The following SH3RF1 variants were observed in gnomAD, a reference collection of about 807,000 sequenced individuals.
SH3RF1 encodes the protein E3 ubiquitin-protein ligase SH3RF1.
A neutral mutation model predicts 74.0 loss-of-function variants in SH3RF1; 32 were observed. The observed-to-expected ratio is 0.43, with a 90% confidence interval of 0.33 to 0.58. SH3RF1 has a LOEUF of 0.58. Among genes scored for constraint, SH3RF1 ranks in the 20% least tolerant of loss-of-function variants. The pLI is 0.05. For missense variants in SH3RF1, 954 were observed against 1,130.9 expected (o/e 0.84, Z 2.24); for synonymous variants, 396 against 439.6 (o/e 0.90, Z 1.24).
intron 10 of SH3RF1, among the ~76,000 whole-genome samples, chr4:169,109,747 C>A (rs978841443): frequency 6.6e-6 from 1 of 152,112 alleles, no homozygotes; most frequent in African/African-American, 2.4e-5. Context: ...CAGTGGCTCA[C>A]ACCTGTAATT....
At chr4:169,178,194 T>C (rs1481723990) in intron 2 of SH3RF1, among the ~76,000 whole-genome samples, 3 of 151,118 alleles carry the variant, frequency 2.0e-5, no homozygotes, top group African/African-American at 7.3e-5. Context: ...TGAGCCGAGA[T>C]TGCGCCAGCA....
At chr4:169,201,121 T>G (rs1267882646) in intron 2 of SH3RF1, among the ~76,000 whole-genome samples, 1 of 152,192 alleles carries the variant, frequency 6.6e-6, no homozygotes, top group Non-Finnish European at 1.5e-5. Context: ...TATGATAAAA[T>G]TTAAAATATA....
At chr4:169,209,744 G>A (rs1730327154) in intron 2 of SH3RF1, among the ~76,000 whole-genome samples, 1 of 152,170 alleles carries the variant, frequency 6.6e-6, no homozygotes, top group African/African-American at 2.4e-5. Context: ...GAAAGTGTTG[G>A]TGCAATTCAT....
chr4:169,122,378 T>A (rs1733456110), intron 6 of SH3RF1, 112 bp from the exon 7 acceptor site: 2 of 1,228,144 alleles, frequency 1.6e-6, no homozygotes, highest in East Asian at 5.1e-5. Context: ...AGAACAAGAC[T>A]TTAATGGAAT....
intron 6 of SH3RF1, 110 bp downstream of exon 6, chr4:169,129,936 C>G: frequency 1.3e-6 from 1 of 795,528 alleles, no homozygotes; most frequent in Non-Finnish European, 2.0e-6. Context: ...AGATACCCAC[C>G]TCACCTAACA....
chr4:169,109,481 T>A (rs1218182066), intron 10 of SH3RF1, among the ~76,000 whole-genome samples: 1 of 152,034 alleles, frequency 6.6e-6, no homozygotes, highest in Non-Finnish European at 1.5e-5. Context: ...AGGCAGAGGA[T>A]TAGGAATCAT....
chr4:169,239,963 G>A (rs1730879092), intron 2 of SH3RF1, among the ~76,000 whole-genome samples: 1 of 152,140 alleles, frequency 6.6e-6, no homozygotes, highest in Non-Finnish European at 1.5e-5. Flanking sequence ...GTCAGAGGCT[G>A]CAGTGAGCCA....
intron 2 of SH3RF1, among the ~76,000 whole-genome samples, chr4:169,175,140 T>C (rs975034879): frequency 8.5e-5 from 13 of 152,162 alleles, no homozygotes; most frequent in African/African-American, 2.9e-4. Flanking sequence ...ATCCACTTAA[T>C]GCATCAGCAA....
At chr4:169,120,462 G>A (rs974023032) in intron 8 of SH3RF1, among the ~76,000 whole-genome samples, 2 of 152,108 alleles carry the variant, frequency 1.3e-5, no homozygotes, top group South Asian at 2.1e-4. Context: ...CATATAGTAC[G>A]CATTATATAA....
chr4:169,255,498 T>C (rs1259113744), intron 2 of SH3RF1, among the ~76,000 whole-genome samples: 1 of 151,798 alleles, frequency 6.6e-6, no homozygotes, highest in African/African-American at 2.4e-5. Flanking sequence ...ATAATCTTAA[T>C]GGTATGGAAG....
At chr4:169,098,546 C>T (rs1732967602) in intron 11 of SH3RF1, among the ~76,000 whole-genome samples, 3 of 152,228 alleles carry the variant, frequency 2.0e-5, no homozygotes, top group Admixed American at 2.0e-4. Flanking sequence ...CTTGAACAAC[C>T]TGAGCTCCTT....
At chr4:169,106,276 T>C (rs1198181411) in intron 11 of SH3RF1, among the ~76,000 whole-genome samples, 1 of 151,744 alleles carries the variant, frequency 6.6e-6, no homozygotes, top group Non-Finnish European at 1.5e-5. Flanking sequence ...CCACGTCTAT[T>C]TCTTTGTATT....
At chr4:169,252,301 TTC>T (rs1731118249) in intron 2 of SH3RF1, among the ~76,000 whole-genome samples, 1 of 152,238 alleles carries the variant, frequency 6.6e-6, no homozygotes, top group Admixed American at 6.5e-5. Context: ...AAAATATTAC[TTC>T]TCTCTTTCAA....
chr4:169,214,169 C>T (rs993123300), intron 2 of SH3RF1, among the ~76,000 whole-genome samples: 2 of 152,184 alleles, frequency 1.3e-5, no homozygotes, highest in African/African-American at 4.8e-5. Flanking sequence ...TAGCTTGGTA[C>T]TGTCCTTGCA....
chr4:169,163,627 A>G (rs1475035285), intron 2 of SH3RF1, among the ~76,000 whole-genome samples: 5 of 152,146 alleles, frequency 3.3e-5, no homozygotes, highest in Admixed American at 6.5e-5. Flanking sequence ...ACAGTTCCCA[A>G]TTACCTCTTA....
chr4:169,265,372 G>A (rs1443981889), intron 2 of SH3RF1, among the ~76,000 whole-genome samples: 44 of 152,210 alleles, frequency 2.9e-4, no homozygotes, highest in Admixed American at 2.8e-3. Context: ...GAATAAATTT[G>A]CTGTGAAGTA....
chr4:169,258,251 T>C lies in SH3RF1; in HGVS notation c.393+10569A>G, dbSNP rs1241430603. On this transcript the variant is annotated intron_variant, in intron 2 of 11. Transcript: ENST00000284637. ...GGTGATTCTCAGCTTCCACACATCA[T>C]ATATTTTCATGCTTCATATATGGAG... Among the ~76,000 whole-genome samples the C allele has an allele frequency of 1.3e-5, 2 of 152,218 alleles. 1 individual carries two copies. Among genetic ancestry groups the C allele is most frequent in the Non-Finnish European group, 2.9e-5 (2 of 68,038 alleles).
chr4:169,133,305 T>C (rs1733647226), intron 5 of SH3RF1, among the ~76,000 whole-genome samples: 1 of 152,132 alleles, frequency 6.6e-6, no homozygotes, highest in African/African-American at 2.4e-5. Flanking sequence ...TAATCCTAAC[T>C]ATACTAAAAA....
At chr4:169,151,372 CAGGCACT>C (rs1318173339) in intron 4 of SH3RF1, among the ~76,000 whole-genome samples, 1 of 152,178 alleles carries the variant, frequency 6.6e-6, no homozygotes, top group Non-Finnish European at 1.5e-5. Flanking sequence ...TTGCTGGTAC[CAGGCACT>C]ATTCTTAAGT....
Sources: allele counts gnomAD v4.1 joint callset (sites outside exome capture counted in the v4.1 genomes callset), GRCh38; gene constraint gnomAD v4.1.1; transcripts MANE v1.5; gene names NCBI Gene and HGNC (gene_info 2026-07-23, HGNC 2026-07-21).